The following MTREX variants were observed in gnomAD, a reference collection of about 807,000 sequenced individuals.
The protein encoded by MTREX is exosome RNA helicase MTR4.
In MTREX, 76 loss-of-function variants were observed where a neutral mutation model predicts 135.4. The ratio of observed to expected loss-of-function variants is 0.56; its 90% CI spans 0.47 to 0.68. The LOEUF (loss-of-function observed/expected upper bound fraction) is 0.68. Ranked by LOEUF, MTREX falls within the 30% of genes least tolerant of loss-of-function variation. The pLI is 0.00. For synonymous variants in MTREX, 404 were observed against 401.6 expected (o/e 1.01, Z -0.07); for missense variants, 920 against 1,262.1 (o/e 0.73, Z 4.11).
intron 15 of MTREX, among the ~76,000 whole-genome samples, chr5:55,362,815 A>G (rs1359066447): frequency 1.3e-5 from 2 of 152,200 alleles, no homozygotes; most frequent in Non-Finnish European, 2.9e-5. Context: ...TGCATCTTTT[A>G]TTTGTTAGCG....
At chr5:55,318,258 C>T (rs1749230904) in intron 1 of MTREX, among the ~76,000 whole-genome samples, 1 of 152,132 alleles carries the variant, frequency 6.6e-6, no homozygotes, top group African/African-American at 2.4e-5. Flanking sequence ...ACCCAGCAAT[C>T]CCATTACTGG....
At chr5:55,336,849 G>A (rs371615723) in intron 5 of MTREX, among the ~76,000 whole-genome samples, 2 of 152,162 alleles carry the variant, frequency 1.3e-5, no homozygotes, top group African/African-American at 2.4e-5. Flanking sequence ...CTAGACTTTT[G>A]TGTCATCATG....
chr5:55,373,094 G>GTTTATT (rs1287983765), intron 16 of MTREX, among the ~76,000 whole-genome samples: 7 of 147,624 alleles, frequency 4.7e-5, no homozygotes, highest in Non-Finnish European at 3.0e-5. Context: ...AGGCAGGGTT[G>GTTTATT]TTTATTTTTA....
intron 3 of MTREX, among the ~76,000 whole-genome samples, chr5:55,325,066 G>A (rs1404637815): frequency 6.6e-6 from 1 of 152,080 alleles, no homozygotes; most frequent in African/African-American, 2.4e-5. Context: ...ACACATTAGG[G>A]ACATGATGGA....
chr5:55,414,133 G>A (rs774628566), intron 23 of MTREX, 49 bp from the exon 24 acceptor site: 1 of 1,368,412 alleles, frequency 7.3e-7, no homozygotes, highest in Non-Finnish European at 9.9e-7. Flanking sequence ...TGAAAAACCA[G>A]TAACTTTAAA....
rs1221581979 is a variant in MTREX at position 55,339,103 on chromosome 5, C to CT, written c.516-904dup. Among the ~76,000 whole-genome samples, 5 of 152,058 alleles carry CT rather than the reference C, an allele frequency of 3.3e-5. No homozygotes were observed. In the East Asian group the frequency reaches 9.6e-4, roughly 29 times the overall value. ...CACTGCGCCCGGCCTAATCTGTAGA[C>CT]TTTCCATTTGATTATGTTGTTAATA... is the stretch of plus-strand genomic sequence containing the variant. On this transcript the variant is annotated intron_variant, in intron 5 of 26. Coordinates refer to ENST00000230640, the MANE Select transcript of MTREX (RefSeq NM_015360.5).
At chr5:55,311,160 T>G (rs955390065) in intron 1 of MTREX, among the ~76,000 whole-genome samples, 36 of 152,228 alleles carry the variant, frequency 2.4e-4, no homozygotes, top group African/African-American at 7.2e-4. Flanking sequence ...AAGAGCTTCA[T>G]GTACTCATAA....
At chr5:55,413,904 T>C (rs546066278) in intron 23 of MTREX, among the ~76,000 whole-genome samples, 2 of 152,324 alleles carry the variant, frequency 1.3e-5, no homozygotes, top group African/African-American at 4.8e-5. Flanking sequence ...CTCAGTTCCA[T>C]ATGTAATCAC....
At chr5:55,351,460 AG>A (rs1749826759) in intron 13 of MTREX, among the ~76,000 whole-genome samples, 1 of 152,210 alleles carries the variant, frequency 6.6e-6, no homozygotes, top group Non-Finnish European at 1.5e-5. Context: ...TGAACCCAGG[AG>A]GTGGAGGTTG....
intron 1 of MTREX, among the ~76,000 whole-genome samples, chr5:55,312,603 T>C (rs1398899410): frequency 6.6e-6 from 1 of 152,230 alleles, no homozygotes; most frequent in Non-Finnish European, 1.5e-5. Context: ...CATGGCTTCT[T>C]TTACTCAACA....
At chr5:55,369,145 A>C in intron 16 of MTREX, among the ~76,000 whole-genome samples, 1 of 152,020 alleles carries the variant, frequency 6.6e-6, no homozygotes, top group Non-Finnish European at 1.5e-5. Flanking sequence ...AAATAAAAAT[A>C]ATAAAGATGA....
At chr5:55,365,427 C>T (rs967851760) in intron 15 of MTREX, among the ~76,000 whole-genome samples, 3 of 152,126 alleles carry the variant, frequency 2.0e-5, no homozygotes. Context: ...ACTTGAGACA[C>T]AGATGAGAAG....
At chr5:55,327,118 T>G (rs773770903) in intron 3 of MTREX, among the ~76,000 whole-genome samples, 1 of 152,232 alleles carries the variant, frequency 6.6e-6, no homozygotes, top group Non-Finnish European at 1.5e-5. Flanking sequence ...TTGGGTTGGT[T>G]CCAAGTCTTT....
chr5:55,359,505 C>T (rs1004707460), intron 15 of MTREX, among the ~76,000 whole-genome samples: 2 of 151,986 alleles, frequency 1.3e-5, no homozygotes, highest in Admixed American at 1.3e-4. Context: ...CATAATGAAG[C>T]TTGGTATGTT....
chr5:55,416,151 C>T lies in MTREX; in HGVS notation c.2971+19C>T. ...TTTGAAGGTATGGTTAAATTTTACA[C>T]ATATATATTTACAGTATAAGAAATA... On this transcript the variant is annotated intron_variant, in intron 25 of 26. Transcript: ENST00000230640. 1 of 1,512,836 alleles carries T rather than the reference C, an allele frequency of 6.6e-7. No homozygotes were observed. The highest frequency in any genetic ancestry group is 9.0e-7 in the Non-Finnish European group (1 of 1,116,078). 93.7% of individuals were successfully genotyped at this position (1,512,836 alleles called of 1,614,324 possible).
chr5:55,322,386 A>G lies in MTREX; in HGVS notation c.194A>G (p.Asp65Gly), dbSNP rs1749302980. 1 of 1,609,578 alleles carries G rather than the reference A, an allele frequency of 6.2e-7. No individual in the cohort carries two copies. The highest frequency in any genetic ancestry group is 8.5e-7 in the Non-Finnish European group (1 of 1,177,086). The change falls in exon 2 of 27, where the codon GAT (aspartate) becomes GGT (glycine). Residue 65 changes from aspartate (D) to glycine (G), a missense_variant. Asp to Gly is a moderately conservative substitution (Grantham distance 94). Around this residue, in one of 6 missense-constraint regions of MTREX, gnomAD observed 136 missense variants for 126.7 expected, o/e 1.07. Coordinates refer to ENST00000230640, the MANE Select transcript of MTREX (RefSeq NM_015360.5). ...ESTNNGKNKR[D>G]VDFEGTDEPI... is the part of the protein sequence containing the mutation. Reference sequence around the variant, plus strand: ...ACTAATAATGGAAAAAATAAGAGAGATGTAGATTTCGAAGGTACAGATGAA... The same window carrying G: ...ACTAATAATGGAAAAAATAAGAGAGGTGTAGATTTCGAAGGTACAGATGAA...
intron 26 of MTREX, 106 bp from the exon 27 acceptor site, chr5:55,424,614 C>T: frequency 1.4e-6 from 1 of 734,936 alleles, no homozygotes; most frequent in Non-Finnish European, 2.4e-6. Flanking sequence ...AGGCTGCTCG[C>T]TTACCAGTTG....
chr5:55,424,843 G>C lies in MTREX; in HGVS notation c.*71G>C, dbSNP rs890023554. 2.2e-5 allele frequency: 24 copies of C among 1,094,710 alleles called. No individual in the cohort carries two copies. The highest frequency in any genetic ancestry group is 1.9e-4 in the African/African-American group (12 of 64,432). 67.8% of individuals were successfully genotyped at this position (1,094,710 alleles called of 1,614,324 possible). On this transcript the variant is annotated 3_prime_UTR_variant, in exon 27 of 27. Transcript: ENST00000230640. ...TGATTACAGTTGACTACAAATGCCTGCAAGTGTGGATTTGGTTCTCCCATA... is the reference window on the plus strand; with the variant it reads ...TGATTACAGTTGACTACAAATGCCTCCAAGTGTGGATTTGGTTCTCCCATA...
rs1391734606 is a variant in MTREX, at chr5:55,405,332, T to C, written c.2482-93T>C. 5.3e-6 allele frequency: 6 copies of C among 1,140,434 alleles called. No homozygotes were observed. In the Admixed American group the frequency reaches 1.1e-4, roughly 22 times the overall value. The allele number at this position is 1,140,434 out of a possible 1,614,324, so 70.6% of individuals were successfully genotyped here. On this transcript the variant is annotated intron_variant, in intron 21 of 26. Transcript: ENST00000230640. Reference sequence around the variant, plus strand: ...CCAGAAGTATACTGTAAGATGTTCTTTAAAAATATTTTTTGTTTGATTTCA... The same window carrying C: ...CCAGAAGTATACTGTAAGATGTTCTCTAAAAATATTTTTTGTTTGATTTCA...
Sources: gnomAD v4.1 joint callset for allele counts (sites outside exome capture counted in the v4.1 genomes callset) on GRCh38, gnomAD v4.1.1 for gene constraint, gnomAD v4.1.1 regional missense constraint, MANE v1.5 for transcripts, NCBI Gene and HGNC (gene_info 2026-07-23, HGNC 2026-07-21) for gene names.